SNX13: variants seen among roughly 807,000 people sequenced by gnomAD.
SNX13 encodes the protein sorting nexin-13.
SNX13 carries 45 observed loss-of-function variants against 133.6 expected under a neutral mutation model. That is an observed-to-expected ratio of 0.34 (90% CI 0.27 to 0.43). The LOEUF (loss-of-function observed/expected upper bound fraction) is 0.43. Ranked by LOEUF, SNX13 falls within the 20% of genes least tolerant of loss-of-function variation. The pLI, the probability that SNX13 is intolerant of heterozygous loss-of-function variation, is 1.00. For missense variants in SNX13, 1,032 were observed against 1,145.1 expected (o/e 0.90, Z 1.43); for synonymous variants, 414 against 373.9 (o/e 1.11, Z -1.24).
intron 13 of SNX13, among the ~76,000 whole-genome samples, chr7:17,839,180 T>C (rs775325037): frequency 8.7e-5 from 13 of 149,304 alleles, no homozygotes; most frequent in Non-Finnish European, 1.8e-4. Context: ...ATAGACGCTA[T>C]AGATTATATA....
intron 13 of SNX13, 150 bp from the exon 14 acceptor site, chr7:17,835,015 A>G: frequency 1.8e-6 from 1 of 545,192 alleles, no homozygotes; most frequent in Non-Finnish European, 3.3e-6. Flanking sequence ...TTTAAGAAGG[A>G]TGAAACAGGA....
intron 20 of SNX13, among the ~76,000 whole-genome samples, chr7:17,813,320 C>T (rs556671397): frequency 2.0e-5 from 3 of 152,148 alleles, no homozygotes; most frequent in Non-Finnish European, 4.4e-5. Context: ...AAATGCATCT[C>T]TAGTGACAAT....
rs1187639750 is a variant in SNX13, at chr7:17,874,038, G to GA, written c.665-423dup. On this transcript the variant is annotated intron_variant, in intron 7 of 25. Transcript: ENST00000428135. Reference sequence around the variant, plus strand: ...ATCATCTCAGCAGGCTATAACAAAGGAAAAAAAGAGTATGCTCTTCTATTC... The same window carrying GA: ...ATCATCTCAGCAGGCTATAACAAAGGAAAAAAAAGAGTATGCTCTTCTATTC... 6.6e-5 allele frequency among the ~76,000 whole-genome samples: 10 copies of GA among 151,660 alleles called. No individual in the cohort carries two copies. The South Asian group carries it at 2.1e-3, about 32-fold the overall frequency.
chr7:17,940,057 G>A (rs930988767), intron 1 of SNX13, among the ~76,000 whole-genome samples: 1 of 152,208 alleles, frequency 6.6e-6, no homozygotes, highest in Non-Finnish European at 1.5e-5. Context: ...CGAGTGGCAA[G>A]TGGCAACTGC....
chr7:17,798,831 G>C (rs532549369), intron 23 of SNX13, 73 bp from the exon 24 acceptor site: 3 of 1,269,886 alleles, frequency 2.4e-6, no homozygotes, highest in East Asian at 2.5e-5. Context: ...GACTTTCATA[G>C]AGCAAGCAAC....
Position 17,834,105 on chromosome 7 carries a change from T to G in SNX13, c.1544A>C (p.Glu515Ala), listed in dbSNP as rs1788845317. 6.3e-7 allele frequency: 1 copy of G among 1,591,418 alleles called. No homozygotes were observed. Residue 515 changes from glutamate (E) to alanine (A), a missense_variant, in exon 15 of 26, where the codon GAG (glutamate) becomes GCG (alanine). Transcript: ENST00000428135. Reference protein sequence around the residue: ...QNALYVRMLAELDMLKDPSFR... With the variant: ...QNALYVRMLAALDMLKDPSFR... ...ACTAGGATCTTTTAACATGTCAAGCTCAGCTAACATGCGCACATAAAGTGC... is the reference window on the plus strand; with the variant it reads ...ACTAGGATCTTTTAACATGTCAAGCGCAGCTAACATGCGCACATAAAGTGC...
intron 1 of SNX13, among the ~76,000 whole-genome samples, chr7:17,900,988 T>G (rs1797770122): frequency 6.6e-6 from 1 of 151,704 alleles, no homozygotes; most frequent in Non-Finnish European, 1.5e-5. Flanking sequence ...GGGTACCTAC[T>G]GCTACTGATT....
chr7:17,825,989 T>G, intron 17 of SNX13, 33 bp downstream of exon 17: 1 of 1,375,790 alleles, frequency 7.3e-7, no homozygotes, highest in Non-Finnish European at 9.8e-7. Flanking sequence ...ATACATAGTT[T>G]TAATGCAATA....
At chr7:17,882,945 T>C (rs761886193) in intron 5 of SNX13, 4 of 678,664 alleles carry the variant, frequency 5.9e-6, no homozygotes, top group Admixed American at 4.0e-5. Flanking sequence ...GGCGAGACTC[T>C]GTCTCAAAAA....
At position 17,791,482 on chromosome 7, in the gene SNX13, T is replaced by A. The variant is rs1161413482; in HGVS notation, c.*2563A>T. On this transcript the variant is annotated 3_prime_UTR_variant, in exon 26 of 26. Coordinates refer to ENST00000428135, the MANE Select transcript of SNX13 (RefSeq NM_015132.5). ...TTTGGAATATCCTAATTATAGGAAA[T>A]GCCCATCTAAGTGATATATTTAAAT... The A allele has an allele frequency of 2.0e-5, 3 of 151,830 alleles. No individual in the cohort carries two copies. The highest frequency in any genetic ancestry group is 4.1e-4 in the South Asian group (2 of 4,836). The allele number at this position is 151,830 out of a possible 1,614,324, so 9.4% of individuals were successfully genotyped here.
At position 17,796,899 on chromosome 7, in the gene SNX13, G is replaced by A. The variant is rs781339732; in HGVS notation, c.2554C>T (p.Pro852Ser). The A allele has an allele frequency of 6.2e-7, 1 of 1,611,042 alleles. No individual in the cohort carries two copies. Among genetic ancestry groups the A allele is most frequent in the Admixed American group, 1.7e-5 (1 of 59,876 alleles). Residue 852 changes from proline (P) to serine (S), a missense_variant, in exon 25 of 26, where the codon CCA becomes TCA. Physicochemically the swap from Pro to Ser is moderately conservative, Grantham distance 74. Transcript: ENST00000428135. ...ATTCGAATACTTTTATCTCTGCATG[G>A]AACAGCCTCTGCTAAAATGCCATTT... ...WPNGILAEAV[P>S]CRDKSIRMRT...
intron 1 of SNX13, among the ~76,000 whole-genome samples, chr7:17,938,111 T>C (rs1295477673): frequency 6.6e-6 from 1 of 152,166 alleles, no homozygotes; most frequent in Non-Finnish European, 1.5e-5. Context: ...ATCTAAAATA[T>C]CTCAAAATAG....
intron 22 of SNX13, among the ~76,000 whole-genome samples, chr7:17,801,032 A>ATG (rs1784582212): frequency 1.5e-4 from 3 of 19,858 alleles, no homozygotes; most frequent in African/African-American, 4.4e-4. Flanking sequence ...ATATATATAT[A>ATG]TATATATATA....
chr7:17,834,792 G>C lies in SNX13; in HGVS notation c.1433C>G (p.Thr478Ser). 1 of 1,608,928 alleles carries C rather than the reference G, an allele frequency of 6.2e-7. No homozygotes were observed. The highest frequency in any genetic ancestry group is 8.5e-7 in the Non-Finnish European group (1 of 1,176,478). Residue 478 changes from threonine (T) to serine (S), a missense_variant, in exon 14 of 26, where the codon ACC becomes AGC. By Grantham distance (58) the Thr-to-Ser change is moderately conservative (BLOSUM62 1). Coordinates refer to ENST00000428135, the MANE Select transcript of SNX13 (RefSeq NM_015132.5). ...LADTLNHEDP[T>S]PEIFDDIQRK... ...TTGAATGTCATCAAAGATTTCAGGG[G>C]TTGGATCTTCATGATTCAAAGTATC...
At chr7:17,816,493 C>G (rs1786680757) in intron 18 of SNX13, among the ~76,000 whole-genome samples, 1 of 152,112 alleles carries the variant, frequency 6.6e-6, no homozygotes, top group Non-Finnish European at 1.5e-5. Context: ...GAGACCCTGT[C>G]TCTACTAAAA....
chr7:17,895,131 A>T (rs1039095339), intron 2 of SNX13, among the ~76,000 whole-genome samples: 4 of 152,212 alleles, frequency 2.6e-5, no homozygotes, highest in African/African-American at 9.6e-5. Context: ...AACATCATCA[A>T]GAAACAGACT....
intron 5 of SNX13, chr7:17,889,535 A>G (rs1398163697): frequency 6.6e-6 from 1 of 152,166 alleles, no homozygotes; most frequent in African/African-American, 2.4e-5. Context: ...CAAACATAAA[A>G]TCTTTCTTTC....
intron 13 of SNX13, 103 bp downstream of exon 13, chr7:17,839,704 G>T: frequency 1.2e-6 from 1 of 857,030 alleles, no homozygotes; most frequent in South Asian, 2.0e-5. Flanking sequence ...TCGATTAAAG[G>T]AGACAATGTT....
intron 15 of SNX13, 137 bp from the exon 16 acceptor site, chr7:17,830,184 A>AAATT: frequency 3.6e-6 from 4 of 1,125,460 alleles, no homozygotes; most frequent in Non-Finnish European, 4.6e-6. Flanking sequence ...AAAAAAAAAA[A>AAATT]TTGTGGATAC....
Sources: allele counts gnomAD v4.1 joint callset (sites outside exome capture counted in the v4.1 genomes callset), GRCh38; gene constraint gnomAD v4.1.1; transcripts MANE v1.5; gene names NCBI Gene and HGNC (gene_info 2026-07-23, HGNC 2026-07-21).